TMEM176B: variants seen among roughly 807,000 people sequenced by gnomAD.
The protein encoded by TMEM176B is LR8-like protein.
Under a neutral mutation model 30.3 loss-of-function variants are expected in TMEM176B, and 28 were observed. The ratio of observed to expected loss-of-function variants is 0.92; its 90% confidence interval spans 0.68 to 1.27. The LOEUF (loss-of-function observed/expected upper bound fraction) is 1.27. Ranked by LOEUF, TMEM176B falls within the 50% of genes most tolerant of loss-of-function variation. The probability of loss-of-function intolerance (pLI) is 0.00; values close to 1 mark genes in which losing one functional copy is unlikely to be tolerated. For missense variants in TMEM176B, 349 were observed against 327.4 expected (o/e 1.07, Z -0.51); for synonymous variants, 123 against 130.3 (o/e 0.94, Z 0.38).
rs141810527 is a variant in TMEM176B at position 150,792,326 on chromosome 7, G to A, written c.601-151C>T. 3.1e-3 allele frequency: 3,322 copies of A among 1,056,630 alleles called. 83 individuals are homozygous for A. The East Asian group carries it at 0.057, about 18-fold the overall frequency. The allele number at this position is 1,056,630 out of a possible 1,614,324, so 65.5% of individuals were successfully genotyped here. Reference sequence around the variant, plus strand: ...TGTTTCCAGCCACAGCTTCCATCCCGTTGGCTTGTCTGCAGAGTGAACTTA... The same window carrying A: ...TGTTTCCAGCCACAGCTTCCATCCCATTGGCTTGTCTGCAGAGTGAACTTA... On this transcript the variant is annotated intron_variant, in intron 5 of 6. Coordinates refer to ENST00000326442, the MANE Select transcript of TMEM176B (RefSeq NM_001101312.2).
chr7:150,796,063 C>T (rs1239744433), intron 2 of TMEM176B, among the ~76,000 whole-genome samples: 1 of 152,194 alleles, frequency 6.6e-6, no homozygotes, highest in Non-Finnish European at 1.5e-5. Context: ...CAGCTTCTGA[C>T]CTTGCTACAA....
chr7:150,801,288 G>A (rs1414899013), upstream of TMEM176B: 1 of 429,510 alleles, frequency 2.3e-6, no homozygotes, highest in Non-Finnish European at 4.1e-6. Flanking sequence ...GGATGAGGGG[G>A]ACAGAGCAGA....
rs118173737 is a variant in TMEM176B at position 150,796,812 on chromosome 7, C to A, written c.-5-238G>T. On this transcript the variant is annotated intron_variant, in intron 1 of 6. Transcript: ENST00000326442. The stretch of plus-strand genomic sequence containing the variant: ...CCTCTCTACTAAAAATACAAAAATC[C>A]GCACGGTGGTGTGCACCTGTAGTCC... The A allele has an allele frequency of 3.4e-3, 1,606 of 477,944 alleles. 49 individuals are homozygous for A. In the East Asian group the frequency reaches 0.057, roughly 17 times the overall value. 29.6% of individuals were successfully genotyped at this position (477,944 alleles called of 1,614,324 possible).
chr7:150,797,642 G>C (rs954906172), intron 1 of TMEM176B, among the ~76,000 whole-genome samples: 2 of 152,188 alleles, frequency 1.3e-5, no homozygotes, highest in South Asian at 2.1e-4. Context: ...AGAGTCCTTT[G>C]TGATGACTTT....
Position 150,793,160 on chromosome 7 carries a change from G to A in TMEM176B, c.528C>T (p.Tyr176=). 6.2e-7 allele frequency: 1 copy of A among 1,614,178 alleles called. No homozygotes were observed. The highest frequency in any genetic ancestry group is 8.5e-7 in the Non-Finnish European group (1 of 1,180,040). Residue 176 remains tyrosine, a synonymous_variant, in exon 5 of 7, where the codon TAC becomes TAT. Transcript: ENST00000326442. ...RSDPVFPTTG[Y]RWMRRSQENQ... ...TCTCTTGACTTCGCCGCATCCATCTGTACCCAGTGGTAGGGAAGACAGGGT... is the reference window on the plus strand; with the variant it reads ...TCTCTTGACTTCGCCGCATCCATCTATACCCAGTGGTAGGGAAGACAGGGT...
chr7:150,794,949 C>A (rs768081970), intron 2 of TMEM176B, among the ~76,000 whole-genome samples: 5 of 127,214 alleles, frequency 3.9e-5, no homozygotes, highest in Admixed American at 8.1e-5. Flanking sequence ...ACACACACAC[C>A]TCTCGAATGG....
At chr7:150,793,623 G>C in intron 3 of TMEM176B, 23 bp from the exon 4 acceptor site, 1 of 1,611,354 alleles carries the variant, frequency 6.2e-7, no homozygotes, top group African/African-American at 1.3e-5. Flanking sequence ...ACCAGAAAAA[G>C]GCCTCCAGTT....
Position 150,793,583 on chromosome 7 carries a change from A to T in TMEM176B, c.333T>A (p.Ala111=), listed in dbSNP as rs576701446. ...WAGSVVIAAG[A]GAIVHEKHPG... The stretch of plus-strand genomic sequence containing the variant: ...GGTGCTTCTCATGGACAATGGCCCC[A>T]GCTCCTGCTGCGATCACCTGAAAAG... Residue 111 remains alanine (A), a synonymous_variant, in exon 4 of 7, where the codon GCT becomes GCA. Transcript: ENST00000326442. 1.2e-6 allele frequency: 2 copies of T among 1,613,650 alleles called. No homozygotes were observed. Among genetic ancestry groups the T allele is most frequent in the African/African-American group, 2.7e-5 (2 of 75,032 alleles).
At chr7:150,798,518 G>A (rs1163766100) in intron 1 of TMEM176B, among the ~76,000 whole-genome samples, 14 of 152,048 alleles carry the variant, frequency 9.2e-5, no homozygotes, top group African/African-American at 2.7e-4. Flanking sequence ...CTCATGATCC[G>A]CCCGCCTCGG....
intron 3 of TMEM176B, 95 bp downstream of exon 3, chr7:150,793,866 G>T: frequency 8.7e-7 from 1 of 1,151,828 alleles, no homozygotes; most frequent in Non-Finnish European, 1.3e-6. Context: ...CAGAGACTTT[G>T]GTCGCTTCCC....
chr7:150,796,767 T>G, intron 1 of TMEM176B, 193 bp from the exon 2 acceptor site: 1 of 576,336 alleles, frequency 1.7e-6, no homozygotes, highest in South Asian at 2.0e-5. Context: ...AAGACCAGCC[T>G]GGCCAATGTG....
chr7:150,793,939 T>C (rs1292945498), intron 3 of TMEM176B, 22 bp downstream of exon 3: 1 of 1,568,202 alleles, frequency 6.4e-7, no homozygotes, highest in Non-Finnish European at 8.6e-7. Flanking sequence ...CCCTCCAGGC[T>C]CACAGCCTGT....
chr7:150,793,926 C>A, intron 3 of TMEM176B, 35 bp downstream of exon 3: 1 of 1,529,198 alleles, frequency 6.5e-7, no homozygotes, highest in Non-Finnish European at 8.8e-7. Flanking sequence ...TCACCACTTG[C>A]CTCCCTCCAG....
chr7:150,796,252 G>C, intron 2 of TMEM176B, 114 bp downstream of exon 2: 1 of 979,906 alleles, frequency 1.0e-6, no homozygotes, highest in Admixed American at 2.4e-5. Flanking sequence ...GCCCCAAATT[G>C]CAATTCTCTC....
chr7:150,796,673 TC>T, intron 1 of TMEM176B, 99 bp from the exon 2 acceptor site: 1 of 1,241,454 alleles, frequency 8.1e-7, no homozygotes, highest in Non-Finnish European at 1.1e-6. Context: ...TTTGTCAAGA[TC>T]CCAGCTGGGC....
intron 1 of TMEM176B, 59 bp from the exon 2 acceptor site, chr7:150,796,633 C>T: frequency 1.3e-6 from 2 of 1,519,668 alleles, no homozygotes; most frequent in Admixed American, 1.7e-5. Context: ...GAAAAATACA[C>T]AGCACAGGTG....
chr7:150,792,280 T>C lies in TMEM176B; in HGVS notation c.601-105A>G, dbSNP rs556379149. On this transcript the variant is annotated intron_variant, in intron 5 of 6. Transcript: ENST00000326442. ...CAGGCACTGACTCTATCCAGCTTGCTGCTCCCACCACAGCTGACTGTGTTT... is the reference window on the plus strand; with the variant it reads ...CAGGCACTGACTCTATCCAGCTTGCCGCTCCCACCACAGCTGACTGTGTTT... The C allele has an allele frequency of 2.4e-5, 35 of 1,462,082 alleles. No individual in the cohort carries two copies. The African/African-American group carries it at 3.5e-4, about 15-fold the overall frequency. 90.6% of individuals were successfully genotyped at this position (1,462,082 alleles called of 1,614,324 possible).
At position 150,791,381 on chromosome 7, in the gene TMEM176B, G is replaced by C; in HGVS notation, c.*150C>G. ...TCTGTTCATGGACTTGAGAACCCCA[G>C]AGTGGGAACAGCAGGTGCGGATGTG... On this transcript the variant is annotated 3_prime_UTR_variant, in exon 7 of 7. Coordinates refer to ENST00000326442, the MANE Select transcript of TMEM176B (RefSeq NM_001101312.2). The C allele has an allele frequency of 1.7e-6, 1 of 591,660 alleles. No homozygotes were observed. The highest frequency in any genetic ancestry group is 3.0e-5 in the Admixed American group (1 of 33,732). The allele number at this position is 591,660 out of a possible 1,614,324, so 36.7% of individuals were successfully genotyped here. A position where few individuals can be genotyped will look rare whatever the true frequency, so the allele number is the denominator to read the frequency against.
intron 4 of TMEM176B, 66 bp downstream of exon 4, chr7:150,793,478 A>T: frequency 6.3e-7 from 1 of 1,585,696 alleles, no homozygotes; most frequent in Non-Finnish European, 8.6e-7. Flanking sequence ...GGCAGAAGAC[A>T]GATAATGGAG....
Sources: gnomAD v4.1 joint callset for allele counts (sites outside exome capture counted in the v4.1 genomes callset) on GRCh38, gnomAD v4.1.1 for gene constraint, MANE v1.5 for transcripts, NCBI Gene and HGNC (gene_info 2026-07-23, HGNC 2026-07-21) for gene names.